Variants in SPRR2B observed in about 807,000 individuals in gnomAD.
SPRR2B encodes small proline-rich protein 2B.
SPRR2B carries 1 observed loss-of-function variant against 1.0 expected under a neutral mutation model. The ratio of observed to expected loss-of-function variants is 1.01; its 90% CI spans 0.36 to 4.77. SPRR2B has a LOEUF of 4.77. Among genes scored for constraint, SPRR2B ranks in the 30% most tolerant of loss-of-function variants. The pLI is 0.16. For synonymous variants in SPRR2B, 27 were observed against 33.4 expected (o/e 0.81, Z 0.66); for missense variants, 53 against 88.7 (o/e 0.60, Z 1.62).
the SPRR2B span, among the ~76,000 whole-genome samples, chr1:153,087,005 A>G: frequency 5.3e-5 from 8 of 152,206 alleles, no homozygotes; most frequent in Admixed American, 4.6e-4. Context: ...AATTAAGGAA[A>G]AAAATCAAGA....
chr1:153,084,680 G>A, the SPRR2B span, among the ~76,000 whole-genome samples: 3 of 152,214 alleles, frequency 2.0e-5, no homozygotes, highest in Non-Finnish European at 4.4e-5. Context: ...CAGCCCAATA[G>A]TATGCACCCT....
chr1:153,078,158 A>T, the SPRR2B span, among the ~76,000 whole-genome samples: 17 of 152,352 alleles, frequency 1.1e-4, 1 homozygote, highest in African/African-American at 4.1e-4. Context: ...TAGTTCAACT[A>T]TTTGTTGTTT....
the SPRR2B span, among the ~76,000 whole-genome samples, chr1:153,084,224 G>A: frequency 2.0e-5 from 3 of 152,122 alleles, no homozygotes; most frequent in South Asian, 4.1e-4. Flanking sequence ...ATATCACTTT[G>A]CCAGCATGTG....
At chr1:153,078,423 T>G in the SPRR2B span, among the ~76,000 whole-genome samples, 2 of 152,226 alleles carry the variant, frequency 1.3e-5, no homozygotes, top group African/African-American at 4.8e-5. Flanking sequence ...GCAGGTTAGT[T>G]ACATATGTAT....
rs545815691 is a variant in SPRR2B at position 153,070,477 on chromosome 1, C to T, written c.*144G>A. 2.8e-6 allele frequency: 4 copies of T among 1,424,840 alleles called. No homozygotes were observed. In the African/African-American group the frequency reaches 4.3e-5, roughly 15 times the overall value. 88.3% of individuals were successfully genotyped at this position (1,424,840 alleles called of 1,614,324 possible). A position where few individuals can be genotyped will look rare whatever the true frequency, so the allele number is the denominator to read the frequency against. The stretch of plus-strand genomic sequence containing the variant: ...AAGGAAACCTTTTGCTATCAGGGAA[C>T]ATCATGGGCAGATCACAGGCTAAGG... On this transcript the variant is annotated 3_prime_UTR_variant, in exon 2 of 2. Coordinates refer to ENST00000368755, the MANE Select transcript of SPRR2B (RefSeq NM_001388198.1).
upstream of SPRR2B, among the ~76,000 whole-genome samples, chr1:153,076,564 G>T (rs762956201): frequency 6.6e-6 from 1 of 152,144 alleles, no homozygotes; most frequent in African/African-American, 2.4e-5. Flanking sequence ...CATAGGATGA[G>T]AGTCCTGAAA....
At chr1:153,080,365 C>T in the SPRR2B span, among the ~76,000 whole-genome samples, 1 of 152,140 alleles carries the variant, frequency 6.6e-6, no homozygotes, top group Non-Finnish European at 1.5e-5. Flanking sequence ...GCAGGATACA[C>T]CTTACAGCTT....
chr1:153,085,801 A>G, the SPRR2B span, among the ~76,000 whole-genome samples: 1 of 152,208 alleles, frequency 6.6e-6, no homozygotes, highest in Non-Finnish European at 1.5e-5. Flanking sequence ...GGTCACCTAC[A>G]TAGGGAAGCC....
At position 153,070,362 on chromosome 1, in the gene SPRR2B, A is replaced by T. The variant is rs1347489997; in HGVS notation, c.*259T>A. 1.4e-5 allele frequency: 9 copies of T among 626,236 alleles called. No homozygotes were observed. Among genetic ancestry groups the T allele is most frequent in the Non-Finnish European group, 2.1e-5 (8 of 373,498 alleles). 38.8% of individuals were successfully genotyped at this position (626,236 alleles called of 1,614,324 possible). On this transcript the variant is annotated 3_prime_UTR_variant, in exon 2 of 2. Transcript: ENST00000368755. Reference sequence around the variant, plus strand: ...TGATGGTTCCCAGGCACACAGCTGCAGCTCTTTCTGCTGAAGCTCTGGGAA... The same window carrying T: ...TGATGGTTCCCAGGCACACAGCTGCTGCTCTTTCTGCTGAAGCTCTGGGAA...
At chr1:153,077,318 TC>T in the SPRR2B span, among the ~76,000 whole-genome samples, 3 of 152,206 alleles carry the variant, frequency 2.0e-5, no homozygotes, top group Non-Finnish European at 2.9e-5. Flanking sequence ...CATTTCATTG[TC>T]TGTAGATTTT....
the SPRR2B span, among the ~76,000 whole-genome samples, chr1:153,087,154 C>T: frequency 6.6e-6 from 1 of 152,046 alleles, no homozygotes; most frequent in East Asian, 1.9e-4. Context: ...GTAGTGGGCA[C>T]CTGTAGTCAC....
At chr1:153,081,319 A>G in the SPRR2B span, among the ~76,000 whole-genome samples, 2 of 152,236 alleles carry the variant, frequency 1.3e-5, no homozygotes, top group East Asian at 3.8e-4. Flanking sequence ...ATGAATCATG[A>G]TATCTAAGAA....
chr1:153,072,934 A>T (rs539720013), upstream of SPRR2B, among the ~76,000 whole-genome samples: 2 of 152,312 alleles, frequency 1.3e-5, no homozygotes, highest in Admixed American at 1.3e-4. Flanking sequence ...GCCAATAATC[A>T]AGAACCTTTC....
At chr1:153,071,981 C>T (rs761545013), upstream of SPRR2B, among the ~76,000 whole-genome samples, 14 of 152,306 alleles carry the variant, frequency 9.2e-5, no homozygotes, top group Non-Finnish European at 1.3e-4. Flanking sequence ...CTTCTTTCCT[C>T]GTACAATTTG....
chr1:153,083,380 A>T, the SPRR2B span, among the ~76,000 whole-genome samples: 3 of 152,214 alleles, frequency 2.0e-5, no homozygotes, highest in Non-Finnish European at 4.4e-5. Flanking sequence ...ACAACTAATG[A>T]AAACTACAGA....
At chr1:153,072,170 T>A (rs1050638227), upstream of SPRR2B, among the ~76,000 whole-genome samples, 3 of 152,164 alleles carry the variant, frequency 2.0e-5, no homozygotes, top group East Asian at 5.8e-4. Flanking sequence ...AAGCCTGAAA[T>A]TTTCTACTTC....
the SPRR2B span, among the ~76,000 whole-genome samples, chr1:153,081,920 C>A: frequency 1.3e-5 from 2 of 151,246 alleles, no homozygotes; most frequent in South Asian, 4.2e-4. Context: ...CCTCTGGGCT[C>A]AAGCAATTAT....
At chr1:153,080,847 T>C in the SPRR2B span, among the ~76,000 whole-genome samples, 53,562 of 152,078 alleles carry the variant, frequency 0.35, 10,385 homozygotes, top group Non-Finnish European at 0.45. Context: ...CAAATAATTA[T>C]GGCAGCTTTA....
At chr1:153,073,277 A>C (rs1402195244), upstream of SPRR2B, among the ~76,000 whole-genome samples, 1 of 152,204 alleles carries the variant, frequency 6.6e-6, no homozygotes, top group African/African-American at 2.4e-5. Context: ...GGGTGCAGTA[A>C]AGGGATTTCA....
Sources: allele counts gnomAD v4.1 joint callset (sites outside exome capture counted in the v4.1 genomes callset), GRCh38; gene constraint gnomAD v4.1.1; transcripts MANE v1.5; gene names NCBI Gene and HGNC (gene_info 2026-07-23, HGNC 2026-07-21).